Variants in SPIDR observed in about 807,000 individuals in gnomAD.
The protein encoded by SPIDR is DNA repair-scaffolding protein.
In SPIDR, 93 loss-of-function variants were observed where a neutral mutation model predicts 104.6. The observed-to-expected ratio is 0.89, with a 90% CI of 0.75 to 1.06. The LOEUF is 1.06. SPIDR is among the 50% of genes least tolerant of loss of function. SPIDR has a pLI of 0.00. For missense variants in SPIDR, 1,154 were observed against 1,111.2 expected, an observed-to-expected ratio of 1.04 and a Z score of -0.55; for synonymous variants, 431 against 416.9, an observed-to-expected ratio of 1.03 and a Z score of -0.41.
intron 10 of SPIDR, among the ~76,000 whole-genome samples, chr8:47,664,273 T>C (rs2074559873): frequency 6.6e-6 from 1 of 152,142 alleles, no homozygotes; most frequent in Non-Finnish European, 1.5e-5. Context: ...GGAGGCTTCA[T>C]GCTAGAGAGG....
At chr8:47,603,559 ATT>A (rs554738300) in intron 10 of SPIDR, among the ~76,000 whole-genome samples, 42 of 133,474 alleles carry the variant, frequency 3.1e-4, no homozygotes, top group African/African-American at 6.3e-4. Flanking sequence ...TACCCAGCTA[ATT>A]TTTTTTTTTT....
chr8:47,609,324 A>G (rs1228601917), intron 10 of SPIDR, among the ~76,000 whole-genome samples: 2 of 152,164 alleles, frequency 1.3e-5, no homozygotes, highest in Admixed American at 6.5e-5. Context: ...GGTGAATCCA[A>G]GGTTATGCAA....
intron 10 of SPIDR, among the ~76,000 whole-genome samples, chr8:47,634,786 G>A (rs2067634724): frequency 6.6e-6 from 1 of 152,130 alleles, no homozygotes; most frequent in South Asian, 2.1e-4. Flanking sequence ...CTCACGCCTG[G>A]GCCAGGCAAC....
Position 47,735,733 on chromosome 8 carries a change from C to A in SPIDR, c.*283C>A. The A allele has an allele frequency of 1.4e-6, 1 of 696,338 alleles. No homozygotes were observed. Among genetic ancestry groups the A allele is most frequent in the Non-Finnish European group, 2.2e-6 (1 of 445,764 alleles). 43.1% of individuals were successfully genotyped at this position (696,338 alleles called of 1,614,324 possible). On this transcript the variant is annotated 3_prime_UTR_variant, in exon 20 of 20. Transcript: ENST00000297423. ...TTAAGCTCTTCATTTGGTATTTAGGCAATATATGAGAAAAAAATTTTTTTT... is the reference window on the plus strand; with the variant it reads ...TTAAGCTCTTCATTTGGTATTTAGGAAATATATGAGAAAAAAATTTTTTTT...
At chr8:47,463,925 G>C (rs1271902023) in intron 8 of SPIDR, among the ~76,000 whole-genome samples, 4 of 152,088 alleles carry the variant, frequency 2.6e-5, no homozygotes, top group African/African-American at 9.7e-5. Context: ...CAACTTAGAA[G>C]CTTTCCCTCT....
intron 8 of SPIDR, among the ~76,000 whole-genome samples, chr8:47,450,034 C>G (rs1483710261): frequency 6.6e-6 from 1 of 152,110 alleles, no homozygotes; most frequent in Non-Finnish European, 1.5e-5. Flanking sequence ...CACGATGGTG[C>G]ATGCATGTAG....
chr8:47,580,837 A>T (rs964757839), intron 8 of SPIDR, among the ~76,000 whole-genome samples: 1 of 152,200 alleles, frequency 6.6e-6, no homozygotes, highest in African/African-American at 2.4e-5. Flanking sequence ...ACCCTTGCAC[A>T]TGTCAGATAC....
intron 11 of SPIDR, chr8:47,698,037 ATAAAT>A (rs1326462738): frequency 6.6e-6 from 1 of 152,234 alleles, no homozygotes. Flanking sequence ...TATGCAATCT[ATAAAT>A]TAAGGTATAC....
chr8:47,567,834 G>A (rs2058080498), intron 8 of SPIDR, among the ~76,000 whole-genome samples: 1 of 116,930 alleles, frequency 8.6e-6, no homozygotes, highest in Non-Finnish European at 1.6e-5. Context: ...CACCCAGGCT[G>A]AAGTGCAGAG....
chr8:47,622,028 C>T (rs2065237867), intron 10 of SPIDR, among the ~76,000 whole-genome samples: 1 of 152,114 alleles, frequency 6.6e-6, no homozygotes, highest in Admixed American at 6.6e-5. Context: ...TGAGAATTAT[C>T]TTATGGGCAA....
chr8:47,531,272 A>G (rs961307937), intron 8 of SPIDR, among the ~76,000 whole-genome samples: 1 of 152,202 alleles, frequency 6.6e-6, no homozygotes, highest in Non-Finnish European at 1.5e-5. Flanking sequence ...GGTCAGGATC[A>G]TCAATGTCAC....
intron 14 of SPIDR, among the ~76,000 whole-genome samples, chr8:47,705,057 C>G (rs1336039433): frequency 6.6e-6 from 1 of 152,224 alleles, no homozygotes; most frequent in African/African-American, 2.4e-5. Context: ...CTCAGAGCAG[C>G]CACGTGGCAG....
chr8:47,731,761 G>T (rs985850816), intron 19 of SPIDR, among the ~76,000 whole-genome samples: 1 of 152,232 alleles, frequency 6.6e-6, no homozygotes, highest in Admixed American at 6.5e-5. Context: ...TGGGGGTAGG[G>T]AGGAAGAAAG....
chr8:47,695,202 C>T (rs1410184274), intron 11 of SPIDR, among the ~76,000 whole-genome samples: 1 of 151,752 alleles, frequency 6.6e-6, no homozygotes, highest in Non-Finnish European at 1.5e-5. Context: ...CTGAAAGGCT[C>T]TCGGAACCTC....
chr8:47,402,986 A>G (rs1057234419), intron 6 of SPIDR, among the ~76,000 whole-genome samples: 2 of 152,242 alleles, frequency 1.3e-5, no homozygotes, highest in Non-Finnish European at 2.9e-5. Context: ...GCAGCAGCAC[A>G]TGAAAAAGCT....
intron 5 of SPIDR, among the ~76,000 whole-genome samples, chr8:47,297,877 T>C (rs1563518433): frequency 6.6e-6 from 1 of 152,240 alleles, no homozygotes; most frequent in Non-Finnish European, 1.5e-5. Flanking sequence ...TTTGGGTTGC[T>C]TCCAAGTCTT....
intron 14 of SPIDR, among the ~76,000 whole-genome samples, chr8:47,707,252 CAA>C (rs34372972): frequency 2.0e-4 from 19 of 95,376 alleles, no homozygotes; most frequent in Admixed American, 3.4e-4. Context: ...GACTCTTTCT[CAA>C]AAAAAAAAAA....
intron 8 of SPIDR, among the ~76,000 whole-genome samples, chr8:47,496,623 T>C (rs2079483826): frequency 6.6e-6 from 1 of 152,076 alleles, no homozygotes; most frequent in African/African-American, 2.4e-5. Context: ...TTTGCATATA[T>C]ACTCATAAGA....
At chr8:47,415,378 A>G (rs2064114171) in intron 7 of SPIDR, among the ~76,000 whole-genome samples, 1 of 152,000 alleles carries the variant, frequency 6.6e-6, no homozygotes, top group Non-Finnish European at 1.5e-5. Context: ...CAGTCCATTG[A>G]CCCTGCTCAG....
Sources: gnomAD v4.1 joint callset for allele counts (sites outside exome capture counted in the v4.1 genomes callset) on GRCh38, gnomAD v4.1.1 for gene constraint, MANE v1.5 for transcripts, NCBI Gene and HGNC (gene_info 2026-07-23, HGNC 2026-07-21) for gene names.